The following TAFA5 variants were observed in gnomAD, a reference collection of about 807,000 sequenced individuals.
TAFA5 encodes the protein TAFA chemokine like family member 5, also known as chemokine-like protein TAFA-5.
TAFA5 carries 6 observed loss-of-function variants against 15.3 expected under a neutral mutation model. That is an observed-to-expected ratio of 0.39 (90% CI 0.21 to 0.77). The LOEUF (loss-of-function observed/expected upper bound fraction) is 0.77, where lower values mean the gene tolerates loss of function less well. TAFA5 is among the 30% of genes least tolerant of loss of function. The pLI is 0.41. For missense variants in TAFA5, 161 were observed against 193.1 expected (o/e 0.83, Z 0.98); for synonymous variants, 103 against 80.7 (o/e 1.28, Z -1.48).
chr22:48,687,418 GTAGA>G (rs755040633), intron 2 of TAFA5, among the ~76,000 whole-genome samples: 6 of 146,622 alleles, frequency 4.1e-5, no homozygotes, highest in South Asian at 2.3e-4. Flanking sequence ...AGATGGGTGG[GTAGA>G]TAGATGGATG....
chr22:48,740,152 A>G (rs964265017), intron 3 of TAFA5, among the ~76,000 whole-genome samples: 4 of 152,136 alleles, frequency 2.6e-5, no homozygotes, highest in Non-Finnish European at 4.4e-5. Context: ...GAGAGGGTGA[A>G]TGGATGCTCG....
chr22:48,719,247 G>A (rs1247533042), intron 3 of TAFA5, among the ~76,000 whole-genome samples: 4 of 152,154 alleles, frequency 2.6e-5, no homozygotes, highest in East Asian at 1.9e-4. Context: ...ACGCAGAGCC[G>A]GCAGGACTGA....
intron 2 of TAFA5, among the ~76,000 whole-genome samples, chr22:48,663,023 G>A (rs1383062281): frequency 3.9e-5 from 6 of 152,212 alleles, no homozygotes; most frequent in Non-Finnish European, 7.3e-5. Flanking sequence ...TGATGGGAGC[G>A]GGAGCTGCAG....
chr22:48,532,270 G>A lies in TAFA5; in HGVS notation c.112+42566G>A, dbSNP rs538875549. On this transcript the variant is annotated intron_variant, in intron 1 of 3. Transcript: ENST00000402357. ...CAGCCAGCACTCTTTAGGAGATTAC[G>A]GAGGCCGCACGTCTAATCTTCACCA... Among the ~76,000 whole-genome samples, 5 of 152,312 alleles carry A rather than the reference G, an allele frequency of 3.3e-5. No individual in the cohort carries two copies. In the East Asian group the frequency reaches 5.8e-4, roughly 18 times the overall value.
intron 2 of TAFA5, among the ~76,000 whole-genome samples, chr22:48,657,203 T>C (rs1419455317): frequency 3.3e-5 from 5 of 152,140 alleles, no homozygotes; most frequent in Non-Finnish European, 7.4e-5. Context: ...AAAGGGGACA[T>C]TAGTACCCAC....
At chr22:48,553,338 G>A (rs1033127128) in intron 1 of TAFA5, among the ~76,000 whole-genome samples, 5 of 152,172 alleles carry the variant, frequency 3.3e-5, no homozygotes, top group Admixed American at 1.3e-4. Context: ...GACACGGGTC[G>A]GTCTCAGCTC....
intron 1 of TAFA5, among the ~76,000 whole-genome samples, chr22:48,605,900 C>T (rs1381281850): frequency 6.6e-6 from 1 of 152,164 alleles, no homozygotes; most frequent in East Asian, 1.9e-4. Context: ...CCGGGGAGCC[C>T]AGAGTCCCTC....
At chr22:48,746,000 G>A (rs2147277432) in intron 3 of TAFA5, among the ~76,000 whole-genome samples, 1 of 152,294 alleles carries the variant, frequency 6.6e-6, no homozygotes, top group South Asian at 2.1e-4. Context: ...AGGTGTGTGA[G>A]CTGCACACAC....
At chr22:48,711,280 C>T (rs1219687407) in intron 3 of TAFA5, among the ~76,000 whole-genome samples, 3 of 151,944 alleles carry the variant, frequency 2.0e-5, no homozygotes, top group Non-Finnish European at 2.9e-5. Flanking sequence ...GAGTGTGTGT[C>T]GGGGGCTTGA....
At chr22:48,588,407 G>A (rs1280025633) in intron 1 of TAFA5, among the ~76,000 whole-genome samples, 3 of 152,196 alleles carry the variant, frequency 2.0e-5, no homozygotes, top group Non-Finnish European at 4.4e-5. Context: ...GGATGGGGCT[G>A]CACTGCCCGT....
chr22:48,533,102 A>C (rs1453752001), intron 1 of TAFA5, among the ~76,000 whole-genome samples: 1 of 152,166 alleles, frequency 6.6e-6, no homozygotes, highest in Non-Finnish European at 1.5e-5. Context: ...TTCTGGGAGC[A>C]GAGGCCCTGG....
At chr22:48,647,894 A>G (rs1276345460) in intron 2 of TAFA5, among the ~76,000 whole-genome samples, 1 of 152,108 alleles carries the variant, frequency 6.6e-6, no homozygotes, top group Non-Finnish European at 1.5e-5. Context: ...CCCTGACGCC[A>G]CTTCTTGGGG....
chr22:48,525,254 G>A (rs1429939155), intron 1 of TAFA5, among the ~76,000 whole-genome samples: 1 of 152,208 alleles, frequency 6.6e-6, no homozygotes, highest in East Asian at 1.9e-4. Context: ...GACATCCCTC[G>A]GCCCAGGGGA....
chr22:48,504,509 G>A (rs5767176), intron 1 of TAFA5, among the ~76,000 whole-genome samples: 15,751 of 151,286 alleles, frequency 0.1, 1,147 homozygotes, highest in East Asian at 0.35. Context: ...GGGCTGGTGA[G>A]GCCGTGAGTC....
chr22:48,623,548 G>A (rs1925927765), intron 1 of TAFA5, among the ~76,000 whole-genome samples: 1 of 152,232 alleles, frequency 6.6e-6, no homozygotes, highest in Admixed American at 6.5e-5. Context: ...TCCCTGGCGT[G>A]AGTTGGTGGA....
chr22:48,713,308 G>T (rs1351474092), intron 3 of TAFA5, among the ~76,000 whole-genome samples: 1 of 152,214 alleles, frequency 6.6e-6, no homozygotes. Flanking sequence ...TCTCGTGGGG[G>T]CTCGGATGTC....
intron 1 of TAFA5, among the ~76,000 whole-genome samples, chr22:48,580,708 T>C (rs1260699746): frequency 6.6e-6 from 1 of 152,208 alleles, no homozygotes; most frequent in East Asian, 1.9e-4. Context: ...TCTCAATGCT[T>C]ACGGCCAGCT....
chr22:48,684,226 C>T (rs1306109169), intron 2 of TAFA5, among the ~76,000 whole-genome samples: 1 of 152,080 alleles, frequency 6.6e-6, no homozygotes, highest in African/African-American at 2.4e-5. Flanking sequence ...TCCCTCAGCC[C>T]TTCCTGTCTC....
At chr22:48,658,494 G>C (rs1292661977) in intron 2 of TAFA5, among the ~76,000 whole-genome samples, 1 of 152,260 alleles carries the variant, frequency 6.6e-6, no homozygotes, top group African/African-American at 2.4e-5. Flanking sequence ...TCTTGCGTGA[G>C]TGACGGAGCA....
Sources: gnomAD v4.1 joint callset for allele counts (sites outside exome capture counted in the v4.1 genomes callset) on GRCh38, gnomAD v4.1.1 for gene constraint, MANE v1.5 for transcripts, NCBI Gene and HGNC (gene_info 2026-07-23, HGNC 2026-07-21) for gene names.